The following XIRP2 variants were observed in gnomAD, a reference collection of about 807,000 sequenced individuals.
The protein encoded by XIRP2 is xin actin-binding repeat-containing protein 2.
Under a neutral mutation model 277.0 loss-of-function variants are expected in XIRP2, and 236 were observed. The ratio of observed to expected loss-of-function variants is 0.85; its 90% CI spans 0.77 to 0.95. The LOEUF is 0.95. Among genes scored for constraint, XIRP2 ranks in the 40% least tolerant of loss-of-function variants. The pLI, the probability that XIRP2 is intolerant of heterozygous loss-of-function variation, is 0.00. For missense variants in XIRP2, 4,640 were observed against 4,157.5 expected, an observed-to-expected ratio of 1.12 and a Z score of -3.19; for synonymous variants, 1,490 against 1,416.5, an observed-to-expected ratio of 1.05 and a Z score of -1.17.
rs77879903 is a variant in XIRP2 at position 167,115,466 on chromosome 2, C to T, written c.409-20443C>T. On this transcript the variant is annotated intron_variant, in intron 2 of 10. Coordinates refer to ENST00000409195, the MANE Select transcript of XIRP2 (RefSeq NM_152381.6). ...GCCAGAGTCCTTGTGCTTTCTTTCT[C>T]ATTTGTGTGGGCTGATATTCCTTCA... Among the ~76,000 whole-genome samples the T allele has an allele frequency of 6.6e-5, 10 of 152,270 alleles. No homozygotes were observed. The East Asian group carries it at 1.9e-3, about 29-fold the overall frequency.
At position 167,221,504 on chromosome 2, in the gene XIRP2, C is replaced by T. The variant is rs373189489; in HGVS notation, c.858+3204C>T. The stretch of plus-strand genomic sequence containing the variant: ...AAAAAAAGGAAAAAGTCATTTGTGT[C>T]TTATTTTAAATGGCCTTAATTTGTA... On this transcript the variant is annotated intron_variant, in intron 5 of 10. Transcript: ENST00000409195. 4.3e-3 allele frequency among the ~76,000 whole-genome samples: 614 copies of T among 142,626 alleles called. 2 individuals carry two copies. The highest frequency in any genetic ancestry group is 0.014 in the African/African-American group (564 of 39,354). 93.6% of individuals were successfully genotyped at this position (142,626 alleles called of 152,430 possible).
At chr2:167,204,000 T>C (rs940484431) in intron 3 of XIRP2, among the ~76,000 whole-genome samples, 1 of 152,150 alleles carries the variant, frequency 6.6e-6, no homozygotes, top group Non-Finnish European at 1.5e-5. Context: ...TTCTTTTTAA[T>C]GCATCCAGAA....
intron 3 of XIRP2, among the ~76,000 whole-genome samples, chr2:167,144,463 G>C (rs1691810187): frequency 6.6e-6 from 1 of 151,940 alleles, no homozygotes; most frequent in Non-Finnish European, 1.5e-5. Context: ...CAAACAGCCA[G>C]TCGTTCTATT....
At chr2:166,922,077 A>C (rs1464007) in intron 2 of XIRP2, among the ~76,000 whole-genome samples, 83,171 of 152,052 alleles carry the variant, frequency 0.55, 24,333 homozygotes, top group African/African-American at 0.74. Flanking sequence ...AGACTAGATA[A>C]TATTTTGGTA....
chr2:166,899,366 C>A (rs1368345549), intron 1 of XIRP2, among the ~76,000 whole-genome samples: 2 of 152,014 alleles, frequency 1.3e-5, no homozygotes, highest in African/African-American at 4.8e-5. Context: ...AGACATTATA[C>A]CCCTAGCTTC....
At position 167,251,899 on chromosome 2, in the gene XIRP2, G is replaced by C; in HGVS notation, c.10507G>C (p.Ala3503Pro). The C allele has an allele frequency of 6.3e-7, 1 of 1,592,704 alleles. No homozygotes were observed. The highest frequency in any genetic ancestry group is 8.5e-7 in the Non-Finnish European group (1 of 1,172,156). The change falls in exon 9 of 11, where the codon GCA (alanine) becomes CCA (proline). Residue 3503 changes from alanine (A) to proline (P), a missense_variant. By Grantham distance (27) the Ala-to-Pro change is conservative (BLOSUM62 -1). Coordinates refer to ENST00000409195, the MANE Select transcript of XIRP2 (RefSeq NM_152381.6). Reference sequence around the variant, plus strand: ...GGGATATGCAACCGCAGATGCTTCTGCAACTGAGATGAGAACCACCTTCCA... The same window carrying C: ...GGGATATGCAACCGCAGATGCTTCTCCAACTGAGATGAGAACCACCTTCCA... The part of the protein sequence containing the change: ...GLGYATADAS[A>P]TEMRTTFQEE...
At chr2:167,070,670 T>C (rs1404243191) in intron 2 of XIRP2, among the ~76,000 whole-genome samples, 1 of 152,198 alleles carries the variant, frequency 6.6e-6, no homozygotes, top group Non-Finnish European at 1.5e-5. Flanking sequence ...TCTTTTCTTT[T>C]ATGAGTTTTT....
At chr2:167,044,849 GC>G (rs1300441784) in intron 2 of XIRP2, among the ~76,000 whole-genome samples, 1 of 151,896 alleles carries the variant, frequency 6.6e-6, no homozygotes, top group Admixed American at 6.6e-5. Flanking sequence ...CAGATTCGAT[GC>G]TATTCCTATC....
intron 3 of XIRP2, among the ~76,000 whole-genome samples, chr2:167,183,213 T>C (rs1693065653): frequency 6.6e-6 from 1 of 152,184 alleles, no homozygotes; most frequent in African/African-American, 2.4e-5. Context: ...GGATAAGACA[T>C]AGATTGCAAG....
intron 2 of XIRP2, among the ~76,000 whole-genome samples, chr2:166,939,043 C>G (rs1685612997): frequency 6.6e-6 from 1 of 152,136 alleles, no homozygotes; most frequent in South Asian, 2.1e-4. Flanking sequence ...GACTCTTTAT[C>G]CAATTTGCCA....
chr2:167,160,294 C>T (rs1219700546), intron 3 of XIRP2, among the ~76,000 whole-genome samples: 2 of 152,154 alleles, frequency 1.3e-5, no homozygotes, highest in East Asian at 3.8e-4. Context: ...CAGAGAGAAA[C>T]ATGGGTGTTT....
At chr2:167,132,422 T>C (rs1161797090) in intron 2 of XIRP2, among the ~76,000 whole-genome samples, 2 of 152,048 alleles carry the variant, frequency 1.3e-5, no homozygotes. Flanking sequence ...GTTCAAAATA[T>C]TAACAGTGAC....
chr2:166,909,640 C>T (rs1684642512), intron 2 of XIRP2, among the ~76,000 whole-genome samples: 1 of 152,170 alleles, frequency 6.6e-6, no homozygotes. Flanking sequence ...CTAGCCAGAA[C>T]TTCCAACACT....
rs1695436686 is a variant in XIRP2, at chr2:167,250,227, G to A, written c.8835G>A (p.Val2945=). Residue 2945 remains valine (V), a synonymous_variant, in exon 9 of 11, where the codon GTG becomes GTA. Transcript: ENST00000409195. ...RDDGKGALNI[V]EFLRKREELQ... ...ATGGAAAAGGTGCCTTAAATATAGT[G>A]GAATTCTTGAGAAAACGTGAAGAAC... is the stretch of plus-strand genomic sequence containing the variant. 6.2e-7 allele frequency: 1 copy of A among 1,613,426 alleles called. No individual in the cohort carries two copies. Among genetic ancestry groups the A allele is most frequent in the Non-Finnish European group, 8.5e-7 (1 of 1,179,642 alleles).
intron 2 of XIRP2, among the ~76,000 whole-genome samples, chr2:167,048,104 C>A (rs1005682997): frequency 6.6e-6 from 1 of 151,936 alleles, no homozygotes; most frequent in African/African-American, 2.4e-5. Flanking sequence ...TTTGGAAAGA[C>A]AGAATCATTC....
rs149134916 is a variant in XIRP2, at chr2:167,119,460, A to G, written c.409-16449A>G. Among the ~76,000 whole-genome samples the G allele has an allele frequency of 9.5e-4, 145 of 152,304 alleles. 1 individual carries two copies. The highest frequency in any genetic ancestry group is 2.9e-3 in the African/African-American group (120 of 41,576). On this transcript the variant is annotated intron_variant, in intron 2 of 10. Coordinates refer to ENST00000409195, the MANE Select transcript of XIRP2 (RefSeq NM_152381.6). The stretch of plus-strand genomic sequence containing the variant: ...CTCCATGAAACAGAGCAAATATGTG[A>G]CTTATTTGCAAGTTCAACACTTAAA...
intron 1 of XIRP2, among the ~76,000 whole-genome samples, chr2:166,899,646 G>C (rs1684327905): frequency 6.6e-6 from 1 of 152,058 alleles, no homozygotes; most frequent in Admixed American, 6.6e-5. Context: ...CAAAGAATTT[G>C]GAGTTGGCAG....
intron 2 of XIRP2, among the ~76,000 whole-genome samples, chr2:167,077,007 GT>G (rs955815065): frequency 2.0e-5 from 3 of 151,620 alleles, no homozygotes; most frequent in African/African-American, 7.3e-5. Flanking sequence ...ATTTTTGTGT[GT>G]TTTTTTGTTT....
chr2:166,901,980 G>A (rs754591725), intron 1 of XIRP2, among the ~76,000 whole-genome samples: 5 of 152,102 alleles, frequency 3.3e-5, no homozygotes, highest in Non-Finnish European at 7.4e-5. Context: ...AGAGCTGGGA[G>A]TGGATTTAAC....
Sources: allele counts gnomAD v4.1 joint callset (sites outside exome capture counted in the v4.1 genomes callset), GRCh38; gene constraint gnomAD v4.1.1; transcripts MANE v1.5; gene names NCBI Gene and HGNC (gene_info 2026-07-23, HGNC 2026-07-21).